The following DSCAML1 variants were observed in gnomAD, a reference collection of about 807,000 sequenced individuals.
The protein encoded by DSCAML1 is cell adhesion molecule DSCAML1.
In DSCAML1, 38 loss-of-function variants were observed where a neutral mutation model predicts 200.5. The ratio of observed to expected loss-of-function variants is 0.19; its 90% confidence interval spans 0.15 to 0.25. The LOEUF (loss-of-function observed/expected upper bound fraction) is 0.25, where lower values mean the gene tolerates loss of function less well. Among genes scored for constraint, DSCAML1 ranks in the 10% least tolerant of loss-of-function variants. DSCAML1 has a pLI of 1.00. For missense variants in DSCAML1, 2,223 were observed against 2,858.8 expected (o/e 0.78, Z 5.07); for synonymous variants, 1,215 against 1,165.0 (o/e 1.04, Z -0.87).
intron 1 of DSCAML1, among the ~76,000 whole-genome samples, chr11:117,787,059 T>G (rs1209710899): frequency 6.6e-6 from 1 of 152,194 alleles, no homozygotes; most frequent in Admixed American, 6.5e-5. Context: ...GGGCACATAC[T>G]AGGCACACAG....
intron 3 of DSCAML1, among the ~76,000 whole-genome samples, chr11:117,622,545 A>G (rs2051954925): frequency 6.6e-6 from 1 of 152,160 alleles, no homozygotes; most frequent in East Asian, 1.9e-4. Flanking sequence ...GCAGGCTCAC[A>G]TGGACCATCC....
At chr11:117,439,214 C>A (rs1008913202) in intron 23 of DSCAML1, 52 bp downstream of exon 23, 5 of 1,599,566 alleles carry the variant, frequency 3.1e-6, no homozygotes, top group East Asian at 2.2e-5. Context: ...GAATCCCTAC[C>A]CTTTCTCCAT....
At position 117,634,942 on chromosome 11, in the gene DSCAML1, G is replaced by A. The variant is rs750411823; in HGVS notation, c.512-102420C>T. 9.8e-5 allele frequency among the ~76,000 whole-genome samples: 15 copies of A among 152,288 alleles called. No homozygotes were observed. In the South Asian group the frequency reaches 2.3e-3, roughly 23 times the overall value. On this transcript the variant is annotated intron_variant, in intron 3 of 32. Transcript: ENST00000651296. The stretch of plus-strand genomic sequence containing the variant: ...CTTGACATCAGATCTTGTCTCTGGC[G>A]CAGTGCTGTGGCAAGGCACAGGGCA...
chr11:117,440,920 C>CAAAAAAAAAAAA (rs1170541792), intron 21 of DSCAML1, among the ~76,000 whole-genome samples: 25 of 41,112 alleles, frequency 6.1e-4, no homozygotes, highest in African/African-American at 2.2e-3. Context: ...GACTCTGTCT[C>CAAAAAAAAAAAA]AAAAAAAAAA....
intron 3 of DSCAML1, among the ~76,000 whole-genome samples, chr11:117,543,331 G>A (rs1417350881): frequency 6.6e-6 from 1 of 152,188 alleles, no homozygotes; most frequent in African/African-American, 2.4e-5. Context: ...TTGTGAACCT[G>A]TGCTCGTGTG....
At chr11:117,520,796 G>GGTGCAAGACTACA (rs2049872038) in intron 6 of DSCAML1, among the ~76,000 whole-genome samples, 1 of 152,088 alleles carries the variant, frequency 6.6e-6, no homozygotes, top group Non-Finnish European at 1.5e-5. Flanking sequence ...GGTGCAAGAT[G>GGTGCAAGACTACA]GTCCCTGCCC....
At chr11:117,601,109 A>G (rs549479507) in intron 3 of DSCAML1, among the ~76,000 whole-genome samples, 69 of 152,138 alleles carry the variant, frequency 4.5e-4, no homozygotes, top group African/African-American at 1.1e-3. Flanking sequence ...GCTCCCTCAA[A>G]TGCACTCCAG....
intron 3 of DSCAML1, among the ~76,000 whole-genome samples, chr11:117,612,890 G>A (rs1437522725): frequency 6.6e-6 from 1 of 152,204 alleles, no homozygotes; most frequent in Non-Finnish European, 1.5e-5. Flanking sequence ...GCAGAGAGCA[G>A]GCCAGGGTTT....
In DSCAML1 at chr11:117,505,007, T is replaced by C; in HGVS notation, c.2099A>G (p.Asp700Gly). The change falls in exon 10 of 33, where the codon GAT becomes GGT. Residue 700 changes from aspartate (D) to glycine (G), a missense_variant. Asp to Gly is a moderately conservative substitution (Grantham distance 94, BLOSUM62 -1). Transcript: ENST00000651296. The surrounding 1 kb of genome is among the most constrained non-coding windows in gnomAD (Gnocchi z 6.7). ...PRFVVQPNNQDGIYGKAGVLN... is the reference protein window; with the variant it reads ...PRFVVQPNNQGGIYGKAGVLN... ...CACACCAGCTTTGCCGTAGATGCCA[T>C]CCTGGTTGTTGGGTTGCACCACAAA... The C allele has an allele frequency of 1.2e-6, 2 of 1,612,746 alleles. No individual in the cohort carries two copies. The highest frequency in any genetic ancestry group is 2.2e-5 in the South Asian group (2 of 90,602).
intron 3 of DSCAML1, among the ~76,000 whole-genome samples, chr11:117,770,338 A>T: frequency 6.6e-6 from 1 of 152,148 alleles, no homozygotes; most frequent in East Asian, 1.9e-4. Flanking sequence ...CAGGGTGACA[A>T]TCCCAGCCAC....
intron 6 of DSCAML1, among the ~76,000 whole-genome samples, chr11:117,520,605 C>G (rs954181200): frequency 6.6e-6 from 1 of 151,324 alleles, no homozygotes; most frequent in Admixed American, 6.6e-5. Flanking sequence ...GTTTCCTCAA[C>G]AGCAAAATGG....
intron 3 of DSCAML1, among the ~76,000 whole-genome samples, chr11:117,564,150 G>A (rs949913066): frequency 1.3e-5 from 2 of 152,184 alleles, no homozygotes; most frequent in African/African-American, 4.8e-5. Context: ...TCCGCAAGAG[G>A]GAAAAGTGTA....
At chr11:117,556,272 G>A (rs1056066161) in intron 3 of DSCAML1, among the ~76,000 whole-genome samples, 74 of 152,270 alleles carry the variant, frequency 4.9e-4, no homozygotes, top group Non-Finnish European at 9.8e-4. Flanking sequence ...GTCAGTTGGG[G>A]GCTACAGGAG....
intron 19 of DSCAML1, among the ~76,000 whole-genome samples, chr11:117,453,901 C>A (rs1164835584): frequency 1.3e-5 from 2 of 151,946 alleles, no homozygotes; most frequent in African/African-American, 4.8e-5. Context: ...TGCCACTGCA[C>A]CTGGCTAATT....
chr11:117,508,507 G>A (rs1449310814), intron 8 of DSCAML1, among the ~76,000 whole-genome samples: 3 of 151,762 alleles, frequency 2.0e-5, no homozygotes, highest in Non-Finnish European at 2.9e-5. Flanking sequence ...AGGGCAGGGG[G>A]TACGGCAAGC....
intron 3 of DSCAML1, among the ~76,000 whole-genome samples, chr11:117,578,443 G>A (rs768794660): frequency 6.6e-6 from 1 of 152,056 alleles, no homozygotes; most frequent in Non-Finnish European, 1.5e-5. Flanking sequence ...GTCGAAGGCA[G>A]GAGGATCACT....
Position 117,782,410 on chromosome 11 carries a change from G to C in DSCAML1, c.47-1600C>G, listed in dbSNP as rs192218484. 7.2e-5 allele frequency among the ~76,000 whole-genome samples: 11 copies of C among 152,354 alleles called. No homozygotes were observed. In the East Asian group the frequency reaches 1.3e-3, roughly 19 times the overall value. On this transcript the variant is annotated intron_variant, in intron 1 of 32. Transcript: ENST00000651296. Reference sequence around the variant, plus strand: ...GCAAGTGCATTTGCTGTCCCCACCAGGCACTGCACTCATAGCAGCTAAAGG... The same window carrying C: ...GCAAGTGCATTTGCTGTCCCCACCACGCACTGCACTCATAGCAGCTAAAGG...
chr11:117,753,968 G>C (rs937444934), intron 3 of DSCAML1, among the ~76,000 whole-genome samples: 2 of 152,192 alleles, frequency 1.3e-5, no homozygotes, highest in African/African-American at 4.8e-5. Flanking sequence ...TTGCAAAGGA[G>C]AGTCTTGGGC....
chr11:117,439,793 C>T, intron 22 of DSCAML1, 26 bp downstream of exon 22: 1 of 1,600,196 alleles, frequency 6.2e-7, no homozygotes, highest in South Asian at 1.1e-5. Flanking sequence ...GGGGCCACCC[C>T]ATCCCTCCAC....
Sources: gnomAD v4.1 joint callset for allele counts (sites outside exome capture counted in the v4.1 genomes callset) on GRCh38, gnomAD v4.1.1 for gene constraint, Gnocchi (gnomAD v3.1) non-coding constraint, MANE v1.5 for transcripts, NCBI Gene and HGNC (gene_info 2026-07-23, HGNC 2026-07-21) for gene names.